Variants in CSGALNACT1 observed in about 807,000 individuals in gnomAD.
CSGALNACT1 encodes chondroitin sulfate N-acetylgalactosaminyltransferase 1.
A neutral mutation model predicts 51.0 loss-of-function variants in CSGALNACT1; 52 were observed. The observed-to-expected ratio is 1.02, with a 90% CI of 0.82 to 1.29. The LOEUF is 1.29. CSGALNACT1 is among the 50% of genes most tolerant of loss of function. The probability of loss-of-function intolerance (pLI) is 0.00; values close to 1 mark genes in which losing one functional copy is unlikely to be tolerated. For synonymous variants in CSGALNACT1, 341 were observed against 254.4 expected (o/e 1.34, Z -3.24); for missense variants, 935 against 679.2 (o/e 1.38, Z -4.19).
chr8:19,627,312 T>C (rs549072937), intron 1 of CSGALNACT1, among the ~76,000 whole-genome samples: 3 of 152,256 alleles, frequency 2.0e-5, no homozygotes, highest in African/African-American at 7.2e-5. Context: ...ATTCCACTTA[T>C]GTGGCATTCT....
intron 1 of CSGALNACT1, among the ~76,000 whole-genome samples, chr8:19,658,729 G>A (rs1384323536): frequency 6.6e-6 from 1 of 151,990 alleles, no homozygotes; most frequent in Non-Finnish European, 1.5e-5. Flanking sequence ...GCAAGGCCCT[G>A]TCTCAAAACA....
chr8:19,586,215 T>C (rs1387656561), intron 3 of CSGALNACT1, among the ~76,000 whole-genome samples: 1 of 151,662 alleles, frequency 6.6e-6, no homozygotes, highest in Admixed American at 6.6e-5. Context: ...ACACAAAAAT[T>C]ATCCGGGCGT....
rs189596316 is a variant in CSGALNACT1, at chr8:19,657,124, C to G, written c.-544+25349G>C. ...CATGTAAAATAAGTAAAACTTAAAACAAAGAATTTTTTTATTACTAAACTA... is the reference window on the plus strand; with the variant it reads ...CATGTAAAATAAGTAAAACTTAAAAGAAAGAATTTTTTTATTACTAAACTA... On this transcript the variant is annotated intron_variant, in intron 1 of 9. Transcript: ENST00000332246. Among the ~76,000 whole-genome samples the G allele has an allele frequency of 4.8e-3, 617 of 129,080 alleles. 5 individuals are homozygous for G. The highest frequency in any genetic ancestry group is 0.017 in the African/African-American group (589 of 34,760). The allele number at this position is 129,080 out of a possible 152,430, so 84.7% of individuals were successfully genotyped here.
At chr8:19,651,882 A>T (rs962671195) in intron 1 of CSGALNACT1, among the ~76,000 whole-genome samples, 2 of 151,570 alleles carry the variant, frequency 1.3e-5, no homozygotes, top group Non-Finnish European at 2.9e-5. Context: ...CCAGCAATTA[A>T]TGTGTTTCCT....
chr8:19,543,594 C>A (rs1476761204), intron 3 of CSGALNACT1, among the ~76,000 whole-genome samples: 1 of 152,140 alleles, frequency 6.6e-6, no homozygotes, highest in East Asian at 1.9e-4. Context: ...CTCACAGTCT[C>A]CAGTGGGGTT....
intron 1 of CSGALNACT1, among the ~76,000 whole-genome samples, chr8:19,744,749 T>C (rs1408311676): frequency 6.6e-6 from 1 of 152,228 alleles, no homozygotes; most frequent in Non-Finnish European, 1.5e-5. Flanking sequence ...TTGAATGTGA[T>C]TTGTCTATTC....
At chr8:19,596,515 T>G (rs1297427514) in intron 2 of CSGALNACT1, among the ~76,000 whole-genome samples, 4 of 151,958 alleles carry the variant, frequency 2.6e-5, no homozygotes, top group Admixed American at 6.6e-5. Context: ...TCCTATTATC[T>G]TTGCTGAAGA....
chr8:19,634,251 T>C (rs1484906461), intron 1 of CSGALNACT1, among the ~76,000 whole-genome samples: 1 of 152,214 alleles, frequency 6.6e-6, no homozygotes, highest in Non-Finnish European at 1.5e-5. Context: ...AAAATTCCTA[T>C]GTTGAAGCCT....
At chr8:19,491,105 C>G (rs1406955732) in intron 4 of CSGALNACT1, among the ~76,000 whole-genome samples, 1 of 151,122 alleles carries the variant, frequency 6.6e-6, no homozygotes, top group African/African-American at 2.4e-5. Context: ...AAAACCAATG[C>G]TTTGCTACAG....
chr8:19,531,969 G>A (rs1217480625), intron 3 of CSGALNACT1: 1 of 152,018 alleles, frequency 6.6e-6, no homozygotes, highest in African/African-American at 2.4e-5. Context: ...AGAGGAGCCT[G>A]GCCCTTCTGA....
intron 1 of CSGALNACT1, among the ~76,000 whole-genome samples, chr8:19,735,955 G>A (rs562794852): frequency 6.6e-6 from 1 of 152,226 alleles, no homozygotes; most frequent in East Asian, 1.9e-4. Flanking sequence ...TTATCAATGT[G>A]TTTTATCAAT....
At chr8:19,695,150 G>A (rs1444394016) in intron 1 of CSGALNACT1, among the ~76,000 whole-genome samples, 2 of 152,116 alleles carry the variant, frequency 1.3e-5, no homozygotes, top group African/African-American at 4.8e-5. Context: ...TCACATCAAT[G>A]TGAAATTCAA....
intron 1 of CSGALNACT1, among the ~76,000 whole-genome samples, chr8:19,618,648 AAAAAAAAAGAAAGAAAG>A (rs1170811768): frequency 4.7e-4 from 64 of 134,942 alleles, no homozygotes; most frequent in Non-Finnish European, 8.0e-4. Context: ...AAAAAAAAAA[AAAAAAAAAGAAAGAAAG>A]AAAGAAAGAA....
At chr8:19,577,357 G>T (rs1459996335) in intron 3 of CSGALNACT1, among the ~76,000 whole-genome samples, 2 of 148,204 alleles carry the variant, frequency 1.3e-5, no homozygotes, top group African/African-American at 5.2e-5. Flanking sequence ...GAGGCCAGGG[G>T]TTTGAGAGCA....
intron 1 of CSGALNACT1, among the ~76,000 whole-genome samples, chr8:19,739,639 G>T (rs1277253548): frequency 6.6e-6 from 1 of 152,172 alleles, no homozygotes; most frequent in East Asian, 1.9e-4. Context: ...TAAATAGGAG[G>T]GGGCAGACCG....
Position 19,505,587 on chromosome 8 carries a change from T to C in CSGALNACT1, c.248A>G (p.Lys83Arg), listed in dbSNP as rs757752283. 4 of 1,613,948 alleles carry C rather than the reference T, an allele frequency of 2.5e-6. No homozygotes were observed. In the East Asian group the frequency reaches 8.9e-5, roughly 36 times the overall value. ...CTCACTCCTCTCCTGCAGCTCCTCCTTGAGCTGTGCGATCTGCCGCTTCAG... is the reference window on the plus strand; with the variant it reads ...CTCACTCCTCTCCTGCAGCTCCTCCCTGAGCTGTGCGATCTGCCGCTTCAG... The change falls in exon 4 of 10, where the codon AAG becomes AGG. Residue 83 changes from lysine to arginine, a missense_variant. Physicochemically the swap from Lys to Arg is conservative, Grantham distance 26. Transcript: ENST00000454498.
chr8:19,582,828 T>G (rs1482846545), intron 3 of CSGALNACT1, among the ~76,000 whole-genome samples: 2 of 152,212 alleles, frequency 1.3e-5, no homozygotes, highest in African/African-American at 4.8e-5. Flanking sequence ...CAGATTCTCT[T>G]ATTTGCTAGA....
chr8:19,493,849 T>C (rs2074914474), intron 4 of CSGALNACT1, among the ~76,000 whole-genome samples: 1 of 146,912 alleles, frequency 6.8e-6, no homozygotes. Flanking sequence ...TTCTCATCAG[T>C]ATATATACGT....
intron 3 of CSGALNACT1, among the ~76,000 whole-genome samples, chr8:19,512,749 C>A (rs552705798): frequency 7.9e-4 from 120 of 152,274 alleles, no homozygotes; most frequent in African/African-American, 2.7e-3. Flanking sequence ...GCCCAATATG[C>A]TTTCTACCAA....
Sources: allele counts gnomAD v4.1 joint callset (sites outside exome capture counted in the v4.1 genomes callset), GRCh38; gene constraint gnomAD v4.1.1; transcripts MANE v1.5; gene names NCBI Gene and HGNC (gene_info 2026-07-23, HGNC 2026-07-21).